VSTM4: variants seen among roughly 807,000 people sequenced by gnomAD.
VSTM4 encodes V-set and transmembrane domain-containing protein 4.
A neutral mutation model predicts 36.4 loss-of-function variants in VSTM4; 20 were observed. The observed-to-expected ratio is 0.55, with a 90% confidence interval of 0.39 to 0.80. The LOEUF is 0.80. Among genes scored for constraint, VSTM4 ranks in the 30% least tolerant of loss-of-function variants. The probability of loss-of-function intolerance (pLI) is 0.00; values close to 1 mark genes in which losing one functional copy is unlikely to be tolerated. For missense variants in VSTM4, 392 were observed against 404.5 expected (o/e 0.97, Z 0.26); for synonymous variants, 182 against 173.9 (o/e 1.05, Z -0.37).
intron 5 of VSTM4, among the ~76,000 whole-genome samples, chr10:49,051,254 C>A (rs1042215703): frequency 1.8e-4 from 27 of 152,290 alleles, no homozygotes; most frequent in African/African-American, 5.8e-4. Flanking sequence ...CTTTTAACGT[C>A]TCCACAGTTT....
At chr10:49,068,690 G>A (rs76867512) in intron 4 of VSTM4, among the ~76,000 whole-genome samples, 18,556 of 152,104 alleles carry the variant, frequency 0.12, 1,445 homozygotes, top group Middle Eastern at 0.18. Flanking sequence ...ACCCAGATTA[G>A]CCTCCCCAAG....
rs183412138 is a variant in VSTM4, at chr10:49,025,476, C to T, written c.838-5701G>A. Among the ~76,000 whole-genome samples, 935 of 152,270 alleles carry T rather than the reference C, an allele frequency of 6.1e-3. 20 individuals carry two copies. Among genetic ancestry groups the T allele is most frequent in the Admixed American group, 0.035 (532 of 15,300 alleles). Reference sequence around the variant, plus strand: ...GGAGAAAGGCTCTAGGACTTCCTCACATGGCACCCTGCCCCCACACACACC... The same window carrying T: ...GGAGAAAGGCTCTAGGACTTCCTCATATGGCACCCTGCCCCCACACACACC... On this transcript the variant is annotated intron_variant, in intron 7 of 7. Coordinates refer to ENST00000332853, the MANE Select transcript of VSTM4 (RefSeq NM_001031746.5).
chr10:49,058,727 C>A (rs1317376884), intron 5 of VSTM4, among the ~76,000 whole-genome samples: 1 of 152,244 alleles, frequency 6.6e-6, no homozygotes, highest in African/African-American at 2.4e-5. Flanking sequence ...GGCCCAGTTA[C>A]TTGGCAAGGC....
Position 49,107,712 on chromosome 10 carries a change from GGAGAGCCTGTA to G in VSTM4, c.328_338del (p.Tyr110ArgfsTer47). 6.2e-7 allele frequency: 1 copy of G among 1,614,196 alleles called. No individual in the cohort carries two copies. Among genetic ancestry groups the G allele is most frequent in the Non-Finnish European group, 8.5e-7 (1 of 1,180,032 alleles). ...GATCGGAGGGCTGCAGTGTCAAGACGGAGAGCCTGTAGAGCGCCCCCCGCTGCTCCTCCAGC... is the reference window on the plus strand; with the variant it reads ...GATCGGAGGGCTGCAGTGTCAAGACGGAGCGCCCCCCGCTGCTCCTCCAGC... On this transcript the variant is annotated frameshift_variant, in exon 2 of 8. Coordinates refer to ENST00000332853, the MANE Select transcript of VSTM4 (RefSeq NM_001031746.5). LOFTEE classifies it high-confidence loss of function.
chr10:49,105,587 C>T (rs1412741143), intron 2 of VSTM4, among the ~76,000 whole-genome samples: 1 of 152,160 alleles, frequency 6.6e-6, no homozygotes, highest in Admixed American at 6.5e-5. Flanking sequence ...GTGTTAAAAA[C>T]TACCTCATGT....
chr10:49,072,882 C>A (rs59553572), intron 4 of VSTM4, among the ~76,000 whole-genome samples: 56,313 of 151,818 alleles, frequency 0.37, 11,556 homozygotes, highest in African/African-American at 0.55. Context: ...CACCCAGTTG[C>A]ACCCAGCCCA....
At chr10:49,037,045 G>A (rs1456312992) in intron 7 of VSTM4, among the ~76,000 whole-genome samples, 1 of 152,194 alleles carries the variant, frequency 6.6e-6, no homozygotes, top group Non-Finnish European at 1.5e-5. Flanking sequence ...ACATATACCT[G>A]GTTGACATAC....
intron 5 of VSTM4, chr10:49,064,394 T>C: frequency 2.8e-6 from 1 of 359,808 alleles, no homozygotes; most frequent in Non-Finnish European, 5.1e-6. Context: ...TGTATCAAAG[T>C]GGTTCAGAGC....
rs117241958 is a variant in VSTM4 at position 49,099,314 on chromosome 10, A to G, written c.457+8280T>C. ...CTCCCAGCAGCATCCAGCAATGCTT[A>G]AGATTTGTTTTCCCCACATGTATTG... is the stretch of plus-strand genomic sequence containing the variant. On this transcript the variant is annotated intron_variant, in intron 2 of 7. Transcript: ENST00000332853. Among the ~76,000 whole-genome samples, 771 of 152,326 alleles carry G rather than the reference A, an allele frequency of 5.1e-3. 6 individuals are homozygous for G. The highest frequency in any genetic ancestry group is 0.018 in the South Asian group (89 of 4,818).
At chr10:49,109,122 TC>T (rs1844846749) in intron 1 of VSTM4, among the ~76,000 whole-genome samples, 1 of 151,990 alleles carries the variant, frequency 6.6e-6, no homozygotes, top group South Asian at 2.1e-4. Flanking sequence ...GCCATTCGCC[TC>T]CACCCCCCCA....
intron 2 of VSTM4, among the ~76,000 whole-genome samples, chr10:49,098,603 G>A (rs58989233): frequency 0.031 from 4,756 of 152,280 alleles, 240 homozygotes; most frequent in African/African-American, 0.11. Flanking sequence ...AAGCTTCCAG[G>A]CCTAATGCAG....
intron 7 of VSTM4, among the ~76,000 whole-genome samples, chr10:49,025,078 G>A (rs978456876): frequency 6.6e-6 from 1 of 151,978 alleles, no homozygotes; most frequent in Non-Finnish European, 1.5e-5. Context: ...GGAGAAGGCG[G>A]CATCTGCAAG....
intron 7 of VSTM4, among the ~76,000 whole-genome samples, chr10:49,023,630 A>G (rs1843213629): frequency 6.6e-6 from 1 of 152,208 alleles, no homozygotes; most frequent in Non-Finnish European, 1.5e-5. Flanking sequence ...ATACAAGTTT[A>G]CTGCTATCTT....
chr10:49,044,622 A>G (rs1024231996), intron 7 of VSTM4, among the ~76,000 whole-genome samples: 2 of 152,266 alleles, frequency 1.3e-5, no homozygotes, highest in Admixed American at 1.3e-4. Flanking sequence ...TGGCAGATAT[A>G]TGCATAGAGA....
intron 7 of VSTM4, among the ~76,000 whole-genome samples, chr10:49,036,467 T>C (rs1843433264): frequency 6.6e-6 from 1 of 152,228 alleles, no homozygotes; most frequent in Admixed American, 6.5e-5. Context: ...CAGGTTAATA[T>C]ATCCTTTTCA....
intron 7 of VSTM4, among the ~76,000 whole-genome samples, chr10:49,045,202 T>TTCTC (rs55748405): frequency 0.015 from 2,230 of 148,478 alleles, 48 homozygotes; most frequent in African/African-American, 0.045. Flanking sequence ...CAGTCTTTCT[T>TTCTC]TCTCTCTCTC....
At chr10:49,058,496 A>T (rs1486086882) in intron 5 of VSTM4, among the ~76,000 whole-genome samples, 3 of 152,084 alleles carry the variant, frequency 2.0e-5, no homozygotes, top group African/African-American at 7.2e-5. Context: ...AACCTCACAG[A>T]TCCCTGAGAC....
intron 4 of VSTM4, among the ~76,000 whole-genome samples, chr10:49,072,505 G>C (rs896461052): frequency 6.6e-6 from 1 of 152,200 alleles, no homozygotes; most frequent in African/African-American, 2.4e-5. Context: ...GGGCCTGGCA[G>C]TGAGAAGAGA....
At position 49,019,415 on chromosome 10, in the gene VSTM4, AG is replaced by A. The variant is rs1843146560; in HGVS notation, c.*234del. The A allele has an allele frequency of 2.6e-6, 1 of 380,960 alleles. No individual in the cohort carries two copies. Among genetic ancestry groups the A allele is most frequent in the East Asian group, 4.5e-5 (1 of 22,438 alleles). 23.6% of individuals were successfully genotyped at this position (380,960 alleles called of 1,614,324 possible). A position where few individuals can be genotyped will look rare whatever the true frequency, so the allele number is the denominator to read the frequency against. On this transcript the variant is annotated 3_prime_UTR_variant, in exon 8 of 8. Transcript: ENST00000332853. ...TCTCAGGATCAGAATCCTTACGCTC[AG>A]GGCTCAAACCCAGGCGCATCTTGTC...
Sources: allele counts gnomAD v4.1 joint callset (sites outside exome capture counted in the v4.1 genomes callset), GRCh38; gene constraint gnomAD v4.1.1; transcripts MANE v1.5; gene names NCBI Gene and HGNC (gene_info 2026-07-23, HGNC 2026-07-21).